The following DCDC1 variants were observed in gnomAD, a reference collection of about 807,000 sequenced individuals.
DCDC1 encodes doublecortin domain-containing protein 1.
In DCDC1, 200 loss-of-function variants were observed where a neutral mutation model predicts 178.3. The observed-to-expected ratio is 1.12, with a 90% CI of 1.00 to 1.26. The LOEUF is 1.26. Among genes scored for constraint, DCDC1 ranks in the 50% most tolerant of loss-of-function variants. The probability of loss-of-function intolerance (pLI) is 0.00; values close to 1 mark genes in which losing one functional copy is unlikely to be tolerated. For synonymous variants in DCDC1, 690 were observed against 604.8 expected, an observed-to-expected ratio of 1.14 and a Z score of -2.07; for missense variants, 1,983 against 1,749.2, an observed-to-expected ratio of 1.13 and a Z score of -2.38.
chr11:30,897,962 C>T (rs1944364696), intron 34 of DCDC1, among the ~76,000 whole-genome samples: 1 of 152,024 alleles, frequency 6.6e-6, no homozygotes, highest in Non-Finnish European at 1.5e-5. Flanking sequence ...TAACAAGTAA[C>T]CTTAAAAACA....
chr11:31,358,720 A>G (rs538642124), intron 1 of DCDC1, among the ~76,000 whole-genome samples: 12 of 152,324 alleles, frequency 7.9e-5, no homozygotes, highest in African/African-American at 2.9e-4. Context: ...AGAATCCACA[A>G]AGAACTCAAA....
intron 18 of DCDC1, among the ~76,000 whole-genome samples, chr11:31,071,812 C>T (rs548135685): frequency 6.6e-6 from 1 of 152,240 alleles, no homozygotes; most frequent in South Asian, 2.1e-4. Flanking sequence ...GTTGTGCAGG[C>T]CCACATGGCA....
chr11:31,264,018 A>G (rs370597043), intron 8 of DCDC1, among the ~76,000 whole-genome samples: 4 of 152,206 alleles, frequency 2.6e-5, no homozygotes, highest in East Asian at 3.8e-4. Context: ...AAATTACTTT[A>G]AAGTACATTT....
intron 20 of DCDC1, among the ~76,000 whole-genome samples, chr11:31,039,393 T>C (rs1954288011): frequency 6.6e-6 from 1 of 152,190 alleles, no homozygotes; most frequent in Non-Finnish European, 1.5e-5. Context: ...TAAGAGGTCA[T>C]GCTCTAAGTT....
At chr11:30,867,010 G>A (rs536268994) in intron 38 of DCDC1, among the ~76,000 whole-genome samples, 3 of 152,206 alleles carry the variant, frequency 2.0e-5, no homozygotes, top group African/African-American at 4.8e-5. Flanking sequence ...TTGTGATCTT[G>A]GACTTCCCAG....
chr11:31,169,130 G>C (rs1401792256), intron 9 of DCDC1, among the ~76,000 whole-genome samples: 2 of 152,062 alleles, frequency 1.3e-5, no homozygotes, highest in Non-Finnish European at 2.9e-5. Flanking sequence ...AACTAACACA[G>C]GAACAGAAAA....
intron 12 of DCDC1, among the ~76,000 whole-genome samples, chr11:31,108,245 A>C (rs937862849): frequency 4.6e-5 from 7 of 152,214 alleles, no homozygotes; most frequent in African/African-American, 1.4e-4. Context: ...GAAAGGCATT[A>C]ATACTTCCCA....
intron 9 of DCDC1, among the ~76,000 whole-genome samples, chr11:31,170,166 C>T (rs1368655561): frequency 1.3e-5 from 2 of 152,170 alleles, no homozygotes; most frequent in African/African-American, 2.4e-5. Flanking sequence ...CATCTAGGAG[C>T]TACTGCAGTA....
Position 30,911,403 on chromosome 11 carries a change from C to T in DCDC1, c.3671G>A (p.Ser1224Asn). 1.2e-6 allele frequency: 2 copies of T among 1,600,532 alleles called. No homozygotes were observed. Among genetic ancestry groups the T allele is most frequent in the South Asian group, 1.1e-5 (1 of 87,926 alleles). ...QEDSRTFHLV[S>N]NPDLVLAVSM... is the part of the protein sequence containing the mutation. The stretch of plus-strand genomic sequence containing the variant: ...CACTGCCAGCACAAGGTCAGGGTTA[C>T]TCACAAGGTGAAAGGTCCTTGGGAA... The change falls in exon 28 of 39, where the codon AGT becomes AAT. Residue 1224 changes from serine to asparagine, a missense_variant. Transcript: ENST00000684477.
chr11:31,252,639 G>A (rs1324630656), intron 8 of DCDC1, among the ~76,000 whole-genome samples: 1 of 152,028 alleles, frequency 6.6e-6, no homozygotes, highest in African/African-American at 2.4e-5. Context: ...ACAGAACAGA[G>A]AAGAGTGAGC....
chr11:31,344,471 G>T (rs1591817500), intron 1 of DCDC1, among the ~76,000 whole-genome samples: 1 of 152,142 alleles, frequency 6.6e-6, no homozygotes, highest in East Asian at 1.9e-4. Context: ...ACAGTGACTG[G>T]GTTTGCCTCC....
chr11:31,303,241 A>G (rs1948230058), intron 6 of DCDC1, among the ~76,000 whole-genome samples: 1 of 152,198 alleles, frequency 6.6e-6, no homozygotes, highest in African/African-American at 2.4e-5. Flanking sequence ...TAGACTCTCA[A>G]TAAATGTTTG....
intron 9 of DCDC1, among the ~76,000 whole-genome samples, chr11:31,153,620 T>C (rs1477488124): frequency 6.6e-6 from 1 of 151,864 alleles, no homozygotes; most frequent in Non-Finnish European, 1.5e-5. Context: ...CCATCTCTCC[T>C]AAAAATACAA....
At chr11:30,869,693 A>G (rs1203071967) in intron 38 of DCDC1, among the ~76,000 whole-genome samples, 1 of 152,190 alleles carries the variant, frequency 6.6e-6, no homozygotes, top group African/African-American at 2.4e-5. Context: ...AAATCATGGA[A>G]GTAAGAGAGA....
intron 1 of DCDC1, among the ~76,000 whole-genome samples, chr11:31,346,851 T>C (rs1251793172): frequency 6.6e-6 from 1 of 152,206 alleles, no homozygotes; most frequent in African/African-American, 2.4e-5. Flanking sequence ...TTTTTCCTCT[T>C]GTATGTGTTT....
rs1456320522 is a variant in DCDC1, at chr11:30,892,943, T to C, written c.4957A>G (p.Thr1653Ala). 6.2e-7 allele frequency: 1 copy of C among 1,613,964 alleles called. No homozygotes were observed. The highest frequency in any genetic ancestry group is 1.7e-5 in the Admixed American group (1 of 60,024). ...MESKINFPIA[T>A]KRIAVKPSNL... is the part of the protein sequence containing the mutation. ...CTCGGCTTGACTGCTATACGTTTGGTTGCAATTGGAAAATTTATTTTGGAT... is the reference window on the plus strand; with the variant it reads ...CTCGGCTTGACTGCTATACGTTTGGCTGCAATTGGAAAATTTATTTTGGAT... Residue 1653 changes from threonine (T) to alanine (A), a missense_variant, in exon 36 of 39, where the codon ACC becomes GCC. Thr to Ala is a moderately conservative substitution (Grantham distance 58). Transcript: ENST00000684477.
chr11:31,192,202 T>C (rs765989989), intron 9 of DCDC1, among the ~76,000 whole-genome samples: 1 of 152,104 alleles, frequency 6.6e-6, no homozygotes, highest in African/African-American at 2.4e-5. Context: ...GCGTTCTAAC[T>C]GTTCTTTCTG....
At position 30,881,237 on chromosome 11, in the gene DCDC1, C is replaced by A; in HGVS notation, c.5154G>T (p.Glu1718Asp). 6.2e-7 allele frequency: 1 copy of A among 1,613,554 alleles called. No homozygotes were observed. Among genetic ancestry groups the A allele is most frequent in the Middle Eastern group, 1.7e-4 (1 of 6,054 alleles). The change falls in exon 37 of 39, where the codon GAG (glutamate) becomes GAT (aspartate). Residue 1718 changes from glutamate to aspartate, a missense_variant. By Grantham distance (45) the Glu-to-Asp change is conservative. Transcript: ENST00000684477. ...CTATGTCGTCCCAGGACTGAATTGG[C>A]TCTCCACTGGGGGTGTACAGTGCTC... is the stretch of plus-strand genomic sequence containing the variant. The part of the protein sequence containing the change: ...PARALYTPSG[E>D]PIQSWDDIER...
chr11:31,238,151 G>A (rs1383594854), intron 9 of DCDC1, among the ~76,000 whole-genome samples: 1 of 151,806 alleles, frequency 6.6e-6, no homozygotes, highest in Admixed American at 6.6e-5. Context: ...TTGTTGGTTG[G>A]CGGGGAAATT....
Sources: gnomAD v4.1 joint callset for allele counts (sites outside exome capture counted in the v4.1 genomes callset) on GRCh38, gnomAD v4.1.1 for gene constraint, MANE v1.5 for transcripts, NCBI Gene and HGNC (gene_info 2026-07-23, HGNC 2026-07-21) for gene names.